Variants in SPECC1 observed in about 807,000 individuals in gnomAD.
SPECC1 encodes the protein cytospin-B.
SPECC1 carries 62 observed loss-of-function variants against 104.1 expected under a neutral mutation model. That is an observed-to-expected ratio of 0.60 (90% CI 0.49 to 0.74). The LOEUF is 0.74. SPECC1 is among the 30% of genes least tolerant of loss of function. The pLI is 0.00. For missense variants in SPECC1, 1,306 were observed against 1,310.5 expected (o/e 1.00, Z 0.05); for synonymous variants, 513 against 501.6 (o/e 1.02, Z -0.30).
At chr17:20,099,661 C>CTCCA (rs1163400445) in intron 2 of SPECC1, among the ~76,000 whole-genome samples, 1 of 136,872 alleles carries the variant, frequency 7.3e-6, no homozygotes, top group Admixed American at 7.9e-5. Context: ...CACCACTGCA[C>CTCCA]TCCAGCCTGG....
intron 1 of SPECC1, among the ~76,000 whole-genome samples, chr17:20,086,317 C>G (rs552152278): frequency 1.3e-5 from 2 of 152,286 alleles, no homozygotes; most frequent in South Asian, 2.1e-4. Context: ...TGTCTCTCCC[C>G]CTAGGCCAAG....
chr17:20,113,527 A>T (rs1309605511), intron 3 of SPECC1, among the ~76,000 whole-genome samples: 1 of 152,238 alleles, frequency 6.6e-6, no homozygotes, highest in African/African-American at 2.4e-5. Flanking sequence ...TGGTAAGATC[A>T]GACTCCCTAA....
chr17:20,287,597 A>G (rs2041000896), intron 12 of SPECC1, among the ~76,000 whole-genome samples: 1 of 152,152 alleles, frequency 6.6e-6, no homozygotes, highest in Non-Finnish European at 1.5e-5. Flanking sequence ...GTTCCTGAAA[A>G]TACACCTTAG....
At chr17:20,180,725 T>C (rs1420222016) in intron 3 of SPECC1, among the ~76,000 whole-genome samples, 4 of 152,196 alleles carry the variant, frequency 2.6e-5, no homozygotes, top group African/African-American at 7.2e-5. Flanking sequence ...AAACAAAATA[T>C]ATTTGTAGCT....
chr17:20,314,056 T>C lies in SPECC1; in HGVS notation c.3198T>C (p.Phe1066=), dbSNP rs759614162. Residue 1066 remains phenylalanine, a synonymous_variant, in exon 15 of 15, where the codon TTT becomes TTC. Transcript: ENST00000395527. ...MQYVAQIYKY[F]ET The stretch of plus-strand genomic sequence containing the variant: ...ACGTGGCCCAAATCTACAAGTACTT[T>C]GAGACGTAACCCTGGAGGGCCTGGG... The C allele has an allele frequency of 1.2e-6, 2 of 1,613,954 alleles. No individual in the cohort carries two copies. Among genetic ancestry groups the C allele is most frequent in the Admixed American group, 3.3e-5 (2 of 59,994 alleles).
At chr17:20,166,300 C>A (rs933477491) in intron 3 of SPECC1, among the ~76,000 whole-genome samples, 3 of 152,102 alleles carry the variant, frequency 2.0e-5, no homozygotes, top group African/African-American at 7.2e-5. Flanking sequence ...TTACACAAAC[C>A]ATTTTTTCAA....
intron 14 of SPECC1, 130 bp from the exon 15 acceptor site, chr17:20,313,846 C>A: frequency 2.5e-6 from 2 of 785,744 alleles, no homozygotes; most frequent in Non-Finnish European, 4.3e-6. Flanking sequence ...CTGTGCTGGC[C>A]TTCACGTTCT....
intron 11 of SPECC1, 42 bp from the exon 12 acceptor site, chr17:20,260,150 A>G: frequency 6.7e-7 from 1 of 1,501,110 alleles, no homozygotes; most frequent in Non-Finnish European, 9.2e-7. Flanking sequence ...AATTCTAAGT[A>G]TTAGCATCTT....
chr17:20,280,758 G>A (rs941612147), intron 12 of SPECC1, among the ~76,000 whole-genome samples: 2 of 152,148 alleles, frequency 1.3e-5, no homozygotes, highest in African/African-American at 4.8e-5. Flanking sequence ...TGTCGTATGG[G>A]GCAATGCAAG....
At chr17:20,019,937 G>A (rs984721281) in intron 1 of SPECC1, among the ~76,000 whole-genome samples, 1 of 152,194 alleles carries the variant, frequency 6.6e-6, no homozygotes, top group African/African-American at 2.4e-5. Context: ...TCTTCCACAA[G>A]ATTGGGAATT....
chr17:20,011,047 C>T (rs1370886719), intron 1 of SPECC1, among the ~76,000 whole-genome samples: 1 of 152,180 alleles, frequency 6.6e-6, no homozygotes, highest in Admixed American at 6.5e-5. Context: ...TTGTTCACAT[C>T]AATAAGCTAG....
chr17:20,298,964 T>TGC (rs2041460967), intron 13 of SPECC1, among the ~76,000 whole-genome samples: 1 of 80,902 alleles, frequency 1.2e-5, no homozygotes, highest in Non-Finnish European at 2.4e-5. Flanking sequence ...TGTGTGTGTG[T>TGC]GTGTGTGTAT....
intron 3 of SPECC1, among the ~76,000 whole-genome samples, chr17:20,132,930 G>C (rs1019173041): frequency 1.3e-5 from 2 of 151,924 alleles, no homozygotes; most frequent in African/African-American, 2.4e-5. Flanking sequence ...TAGTAGAGAT[G>C]GGGTTTCACT....
chr17:20,217,031 G>A (rs1399264018), intron 4 of SPECC1, among the ~76,000 whole-genome samples: 1 of 152,094 alleles, frequency 6.6e-6, no homozygotes, highest in Non-Finnish European at 1.5e-5. Flanking sequence ...CAAAGGAGCT[G>A]GCCAGCAGAG....
chr17:20,190,491 C>T (rs1472748535), intron 3 of SPECC1, among the ~76,000 whole-genome samples: 6 of 152,104 alleles, frequency 3.9e-5, no homozygotes, highest in Admixed American at 6.6e-5. Flanking sequence ...AAAATAAACA[C>T]TCTTTTTTAA....
chr17:20,254,134 CGTGTGTGTGTGTGTGTGTGTGTGTGTGT>C (rs71357419), intron 10 of SPECC1, among the ~76,000 whole-genome samples: 1 of 135,898 alleles, frequency 7.4e-6, no homozygotes. Context: ...GTTGTTACAC[CGTGTGTGTGTGTGTGTGTGTGTGTGTGT>C]GTGTGTGTGT....
chr17:20,278,869 A>G (rs1598130237), intron 12 of SPECC1, among the ~76,000 whole-genome samples: 1 of 152,194 alleles, frequency 6.6e-6, no homozygotes, highest in Admixed American at 6.5e-5. Flanking sequence ...CAGGAAGGAA[A>G]AACAGGATTT....
intron 4 of SPECC1, among the ~76,000 whole-genome samples, chr17:20,212,745 A>G (rs533643308): frequency 2.6e-5 from 4 of 152,228 alleles, no homozygotes; most frequent in Non-Finnish European, 5.9e-5. Flanking sequence ...TAGCATTGCA[A>G]TTCCTTCCAT....
intron 13 of SPECC1, among the ~76,000 whole-genome samples, chr17:20,300,835 G>A (rs370069144): frequency 3.3e-4 from 50 of 152,232 alleles, no homozygotes; most frequent in African/African-American, 9.2e-4. Context: ...GTAAGGCAGC[G>A]TGTGGAAGAC....
Sources: gnomAD v4.1 joint callset for allele counts (sites outside exome capture counted in the v4.1 genomes callset) on GRCh38, gnomAD v4.1.1 for gene constraint, MANE v1.5 for transcripts, NCBI Gene and HGNC (gene_info 2026-07-23, HGNC 2026-07-21) for gene names.